Variants in DENND1B observed in about 807,000 individuals in gnomAD.
DENND1B encodes DENN domain containing 1B, also known as DENN domain-containing protein 1B.
A neutral mutation model predicts 90.1 loss-of-function variants in DENND1B; 59 were observed. That is an observed-to-expected ratio of 0.65 (90% CI 0.53 to 0.81). DENND1B has a LOEUF of 0.81. Ranked by LOEUF, DENND1B falls within the 40% of genes least tolerant of loss-of-function variation. The pLI is 0.00. For missense variants in DENND1B, 862 were observed against 912.6 expected (o/e 0.94, Z 0.71); for synonymous variants, 337 against 324.6 (o/e 1.04, Z -0.41).
At chr1:197,627,768 A>G (rs908396946) in intron 10 of DENND1B, among the ~76,000 whole-genome samples, 1 of 152,182 alleles carries the variant, frequency 6.6e-6, no homozygotes. Context: ...ATTATTGTAT[A>G]TATAGAAAAC....
chr1:197,759,772 C>A (rs1287718836), intron 2 of DENND1B, among the ~76,000 whole-genome samples: 2 of 140,932 alleles, frequency 1.4e-5, no homozygotes, highest in Admixed American at 7.2e-5. Context: ...AAAAAGCATG[C>A]GGGAGGAAGA....
intron 10 of DENND1B, among the ~76,000 whole-genome samples, chr1:197,624,471 G>T (rs1018585623): frequency 5.3e-5 from 8 of 151,584 alleles, no homozygotes; most frequent in East Asian, 1.9e-4. Flanking sequence ...AAAACTCCTA[G>T]AGGATAATAC....
chr1:197,587,795 G>A (rs536458456), intron 14 of DENND1B, among the ~76,000 whole-genome samples: 7 of 152,082 alleles, frequency 4.6e-5, no homozygotes, highest in East Asian at 3.9e-4. Flanking sequence ...AATACATAAC[G>A]AAATAATTCT....
intron 16 of DENND1B, among the ~76,000 whole-genome samples, chr1:197,549,518 T>A (rs1302727661): frequency 6.6e-6 from 1 of 152,136 alleles, no homozygotes; most frequent in Non-Finnish European, 1.5e-5. Context: ...TTCTCCTGTT[T>A]AAAGTTGATG....
intron 5 of DENND1B, among the ~76,000 whole-genome samples, chr1:197,668,330 G>A (rs2125978383): frequency 6.6e-6 from 1 of 151,630 alleles, no homozygotes; most frequent in African/African-American, 2.4e-5. Flanking sequence ...GAATATATGA[G>A]TAAACAAAAG....
chr1:197,707,614 C>A (rs1659695819), intron 3 of DENND1B, among the ~76,000 whole-genome samples: 1 of 144,986 alleles, frequency 6.9e-6, no homozygotes, highest in Non-Finnish European at 1.5e-5. Flanking sequence ...CATATATATA[C>A]ATATATAATA....
intron 14 of DENND1B, among the ~76,000 whole-genome samples, chr1:197,587,034 C>A (rs965671545): frequency 1.1e-4 from 16 of 152,070 alleles, no homozygotes; most frequent in Non-Finnish European, 2.1e-4. Flanking sequence ...AGGGCACCAA[C>A]AGTATCTACT....
chr1:197,704,812 G>T (rs1659366959), intron 3 of DENND1B, among the ~76,000 whole-genome samples: 1 of 151,480 alleles, frequency 6.6e-6, no homozygotes, highest in Non-Finnish European at 1.5e-5. Context: ...GCTAAAATAA[G>T]TGAGGTAAGT....
intron 2 of DENND1B, among the ~76,000 whole-genome samples, chr1:197,751,618 T>C (rs528982385): frequency 6.6e-6 from 1 of 151,956 alleles, no homozygotes; most frequent in African/African-American, 2.4e-5. Flanking sequence ...CCGAGGTGGG[T>C]GGATCACTTG....
intron 18 of DENND1B, among the ~76,000 whole-genome samples, chr1:197,544,316 C>G (rs1670556663): frequency 6.6e-6 from 1 of 151,978 alleles, no homozygotes; most frequent in Non-Finnish European, 1.5e-5. Flanking sequence ...AACTGACATT[C>G]CAATTAATAG....
At chr1:197,643,578 T>C (rs916949585) in intron 9 of DENND1B, among the ~76,000 whole-genome samples, 2 of 152,156 alleles carry the variant, frequency 1.3e-5, no homozygotes, top group African/African-American at 2.4e-5. Flanking sequence ...GCAGGCACAA[T>C]CATCATCTGA....
In DENND1B at chr1:197,618,437, ATT is replaced by A. The variant is rs542031153; in HGVS notation, c.673-680_673-679del. 1.3e-4 allele frequency among the ~76,000 whole-genome samples: 20 copies of A among 151,358 alleles called. No homozygotes were observed. The South Asian group carries it at 4.1e-3, about 31-fold the overall frequency. On this transcript the variant is annotated intron_variant, in intron 10 of 22. Coordinates refer to ENST00000620048, the MANE Select transcript of DENND1B (RefSeq NM_001195215.2). ...TTTAAACTGTTCATTCCAGATTAACATTTTGTTTCCTAGCTTTATATCACAAC... is the reference window on the plus strand; with the variant it reads ...TTTAAACTGTTCATTCCAGATTAACATTGTTTCCTAGCTTTATATCACAAC...
At chr1:197,758,647 G>C (rs767435408) in intron 2 of DENND1B, among the ~76,000 whole-genome samples, 2 of 152,096 alleles carry the variant, frequency 1.3e-5, no homozygotes, top group African/African-American at 4.8e-5. Flanking sequence ...TCAACTCTCG[G>C]TCCAGTATCT....
At chr1:197,667,979 T>TA (rs1300156379) in intron 5 of DENND1B, among the ~76,000 whole-genome samples, 2 of 151,972 alleles carry the variant, frequency 1.3e-5, no homozygotes, top group African/African-American at 2.4e-5. Flanking sequence ...GTGAATAAAG[T>TA]AAAAAAAATT....
chr1:197,631,134 G>A (rs1009969876), intron 10 of DENND1B, among the ~76,000 whole-genome samples: 1 of 152,040 alleles, frequency 6.6e-6, no homozygotes, highest in Non-Finnish European at 1.5e-5. Flanking sequence ...ATTAAAGAGT[G>A]TAACACTACA....
intron 10 of DENND1B, among the ~76,000 whole-genome samples, chr1:197,641,298 TGAG>T (rs944059170): frequency 6.6e-6 from 1 of 152,006 alleles, no homozygotes; most frequent in African/African-American, 2.4e-5. Context: ...GTTTAAAAAA[TGAG>T]GAGGAGGAGC....
At chr1:197,779,500 G>A (rs1251592116), upstream of DENND1B, among the ~76,000 whole-genome samples, 1 of 151,738 alleles carries the variant, frequency 6.6e-6, no homozygotes, top group Admixed American at 6.6e-5. Flanking sequence ...CATTCCTTCT[G>A]GGACTCTGAT....
chr1:197,594,699 A>C (rs1482099862), intron 14 of DENND1B, among the ~76,000 whole-genome samples: 1 of 152,174 alleles, frequency 6.6e-6, no homozygotes, highest in Non-Finnish European at 1.5e-5. Flanking sequence ...AAGAATGAGA[A>C]AATGAGCTAA....
chr1:197,605,784 T>C (rs530405277), intron 13 of DENND1B: 64 of 151,322 alleles, frequency 4.2e-4, no homozygotes, highest in African/African-American at 1.5e-3. Flanking sequence ...TACAGTAAGA[T>C]AAGGTAGTTG....
Sources: gnomAD v4.1 joint callset for allele counts (sites outside exome capture counted in the v4.1 genomes callset) on GRCh38, gnomAD v4.1.1 for gene constraint, MANE v1.5 for transcripts, NCBI Gene and HGNC (gene_info 2026-07-23, HGNC 2026-07-21) for gene names.